The following QTRT2 variants were observed in gnomAD, a reference collection of about 807,000 sequenced individuals.
QTRT2 encodes the protein queuine tRNA-ribosyltransferase accessory subunit 2, also known as queuine tRNA-ribosyltransferase domain containing 1.
A neutral mutation model predicts 44.8 loss-of-function variants in QTRT2; 32 were observed. That is an observed-to-expected ratio of 0.71 (90% CI 0.54 to 0.96). The LOEUF (loss-of-function observed/expected upper bound fraction) is 0.96, where lower values mean the gene tolerates loss of function less well. Ranked by LOEUF, QTRT2 falls within the 40% of genes least tolerant of loss-of-function variation. The pLI, the probability that QTRT2 is intolerant of heterozygous loss-of-function variation, is 0.00. For missense variants in QTRT2, 461 were observed against 503.1 expected (o/e 0.92, Z 0.80); for synonymous variants, 182 against 187.4 (o/e 0.97, Z 0.24).
chr3:114,084,188 A>G (rs570832633), intron 9 of QTRT2, among the ~76,000 whole-genome samples: 156 of 151,208 alleles, frequency 1.0e-3, no homozygotes, highest in African/African-American at 3.4e-3. Flanking sequence ...TCAGCCTCCC[A>G]AGTAGCTGGG....
At position 114,085,897 on chromosome 3, in the gene QTRT2, C is replaced by T. The variant is rs771644184; in HGVS notation, c.1241C>T (p.Ala414Val). ...AQLKELIHRQ[A>V]S ...TTGAAAGAGCTCATCCACAGGCAAGCATCTTGAGATCTTGCAAATACAAGT... is the reference window on the plus strand; with the variant it reads ...TTGAAAGAGCTCATCCACAGGCAAGTATCTTGAGATCTTGCAAATACAAGT... Residue 414 changes from alanine to valine, a missense_variant, in exon 10 of 10, where the codon GCA (alanine) becomes GTA (valine). Physicochemically the swap from Ala to Val is moderately conservative, Grantham distance 64 (BLOSUM62 0). Transcript: ENST00000281273. 1.9e-6 allele frequency: 3 copies of T among 1,611,958 alleles called. No homozygotes were observed. The highest frequency in any genetic ancestry group is 2.5e-6 in the Non-Finnish European group (3 of 1,178,050).
intron 3 of QTRT2, 53 bp downstream of exon 3, chr3:114,065,510 C>T: frequency 7.5e-7 from 1 of 1,340,900 alleles, no homozygotes; most frequent in Non-Finnish European, 1.0e-6. Context: ...AGCTTAGTTA[C>T]CTTAGGTGCA....
rs1488379908 is a variant in QTRT2 at position 114,070,697 on chromosome 3, C to T, written c.405C>T (p.Ala135=). The part of the protein sequence containing the change: ...TVSKFMAIQK[A]LQPDWFQCLS... ...CCAAGTTCATGGCAATTCAGAAGGC[C>T]CTTCAGCCAGACTGGTTCCAGTGCC... is the stretch of plus-strand genomic sequence containing the variant. Residue 135 remains alanine, a synonymous_variant, in exon 6 of 10, where the codon GCC becomes GCT. Transcript: ENST00000281273. The T allele has an allele frequency of 3.1e-6, 5 of 1,614,054 alleles. No individual in the cohort carries two copies. In the South Asian group the frequency reaches 5.5e-5, roughly 18 times the overall value.
At chr3:114,062,069 A>G (rs577246268) in intron 2 of QTRT2, among the ~76,000 whole-genome samples, 1 of 152,036 alleles carries the variant, frequency 6.6e-6, no homozygotes, top group East Asian at 1.9e-4. Flanking sequence ...TTACTCTCAC[A>G]TAAAAGCCAT....
chr3:114,075,504 ATTTTT>A (rs34436490), intron 6 of QTRT2, among the ~76,000 whole-genome samples: 1 of 118,754 alleles, frequency 8.4e-6, no homozygotes, highest in South Asian at 2.6e-4. Flanking sequence ...AGTTTTACTG[ATTTTT>A]TTTTTTTTTT....
At chr3:114,085,316 T>A (rs899196815) in intron 9 of QTRT2, among the ~76,000 whole-genome samples, 1 of 152,174 alleles carries the variant, frequency 6.6e-6, no homozygotes, top group African/African-American at 2.4e-5. Context: ...CAAGCGATTC[T>A]CCTGCCTCAG....
intron 8 of QTRT2, among the ~76,000 whole-genome samples, chr3:114,080,296 A>T (rs2077150882): frequency 6.6e-6 from 1 of 152,226 alleles, no homozygotes; most frequent in Non-Finnish European, 1.5e-5. Flanking sequence ...AGAAAAACAA[A>T]ACCTCCTCTG....
intron 6 of QTRT2, among the ~76,000 whole-genome samples, chr3:114,072,207 T>C (rs112148520): frequency 6.6e-6 from 1 of 152,056 alleles, no homozygotes; most frequent in Non-Finnish European, 1.5e-5. Context: ...CAGGCTAGAG[T>C]GCAGTGGGGC....
Position 114,057,010 on chromosome 3 carries a change from G to A in QTRT2, c.-118G>A. On this transcript the variant is annotated 5_prime_UTR_variant, in exon 2 of 10. Transcript: ENST00000281273. ...GCTTCCCTTTTCAGGGTGTCCTGGT[G>A]GATTGGTTTCTGTAAGTTCAGATTC... 7.0e-7 allele frequency: 1 copy of A among 1,424,536 alleles called. No individual in the cohort carries two copies. The highest frequency in any genetic ancestry group is 9.1e-7 in the Non-Finnish European group (1 of 1,094,630). 88.2% of individuals were successfully genotyped at this position (1,424,536 alleles called of 1,614,324 possible).
chr3:114,071,248 C>T (rs1194102572), intron 6 of QTRT2, among the ~76,000 whole-genome samples: 2 of 152,174 alleles, frequency 1.3e-5, no homozygotes, highest in East Asian at 3.9e-4. Flanking sequence ...TTTTGCTCTT[C>T]CTCAATACTT....
intron 7 of QTRT2, chr3:114,077,340 G>C (rs935430082): frequency 2.9e-5 from 5 of 174,420 alleles, no homozygotes; most frequent in Non-Finnish European, 6.2e-5. Flanking sequence ...GGGATGACTA[G>C]TGAGAAGATG....
At position 114,082,950 on chromosome 3, in the gene QTRT2, T is replaced by C. The variant is rs563139020; in HGVS notation, c.1016+156T>C. 5.3e-5 allele frequency: 33 copies of C among 620,840 alleles called. No homozygotes were observed. In the African/African-American group the frequency reaches 5.7e-4, roughly 11 times the overall value. 38.5% of individuals were successfully genotyped at this position (620,840 alleles called of 1,614,324 possible). On this transcript the variant is annotated intron_variant, in intron 9 of 9. Transcript: ENST00000281273. ...TCAAATTCGATTTCAAAAAAACTCTTTATTTTCTTCAGATGAATTTGTAGA... is the reference window on the plus strand; with the variant it reads ...TCAAATTCGATTTCAAAAAAACTCTCTATTTTCTTCAGATGAATTTGTAGA...
In QTRT2 at chr3:114,070,144, C is replaced by T. The variant is rs190934291; in HGVS notation, c.334-482C>T. Among the ~76,000 whole-genome samples, 118 of 152,226 alleles carry T rather than the reference C, an allele frequency of 7.8e-4. 3 individuals carry two copies. In the East Asian group the frequency reaches 0.016, roughly 20 times the overall value. On this transcript the variant is annotated intron_variant, in intron 5 of 9. Transcript: ENST00000281273. ...TTGCCAGGCAAAGAAGTAGAAGTTC[C>T]AGCACCTAGAAATAATAAATACTTG...
rs2077262760 is a variant in QTRT2, at chr3:114,088,335, T to C, written c.*2431T>C. ...TTAAAGGCAATAGCCAATAAAACAT[T>C]TTTAATTTTAAAAATTTACTGTGTT... On this transcript the variant is annotated 3_prime_UTR_variant, in exon 10 of 10. Coordinates refer to ENST00000281273, the MANE Select transcript of QTRT2 (RefSeq NM_024638.4). 6.6e-6 allele frequency: 1 copy of C among 152,186 alleles called. No individual in the cohort carries two copies. The highest frequency in any genetic ancestry group is 1.5e-5 in the Non-Finnish European group (1 of 68,036). 9.4% of individuals were successfully genotyped at this position (152,186 alleles called of 1,614,324 possible). A position where few individuals can be genotyped will look rare whatever the true frequency, so the allele number is the denominator to read the frequency against.
Position 114,083,317 on chromosome 3 carries a change from T to TGC in QTRT2, c.1016+523_1016+524insGC, listed in dbSNP as rs2077192864. The stretch of plus-strand genomic sequence containing the variant: ...GTTGTTGTTGCTGTTGCTGCTGCTG[T>TGC]TGTTGTTGTTGTTGTTGTTGTTGTT... On this transcript the variant is annotated intron_variant, in intron 9 of 9. Coordinates refer to ENST00000281273, the MANE Select transcript of QTRT2 (RefSeq NM_024638.4). Among the ~76,000 whole-genome samples the TGC allele has an allele frequency of 1.1e-3, 6 of 5,498 alleles. No individual in the cohort carries two copies. In the South Asian group the frequency reaches 0.062, roughly 57 times the overall value. 3.6% of individuals were successfully genotyped at this position (5,498 alleles called of 152,430 possible). A position where few individuals can be genotyped will look rare whatever the true frequency, so the allele number is the denominator to read the frequency against.
rs112692027 is a variant in QTRT2 at position 114,087,323 on chromosome 3, G to A, written c.*1419G>A. On this transcript the variant is annotated 3_prime_UTR_variant, in exon 10 of 10. Transcript: ENST00000281273. The stretch of plus-strand genomic sequence containing the variant: ...ATGTGTTGGGAGCCCATTGTATTAG[G>A]CCGTTCTTGGATTGCTATAAAGAAA... 0.025 allele frequency: 3,877 copies of A among 152,224 alleles called. 149 individuals carry two copies. The highest frequency in any genetic ancestry group is 0.081 in the East Asian group (421 of 5,182). The allele number at this position is 152,224 out of a possible 1,614,324, so 9.4% of individuals were successfully genotyped here.
chr3:114,064,635 C>T (rs1269228365), intron 2 of QTRT2, among the ~76,000 whole-genome samples: 2 of 152,130 alleles, frequency 1.3e-5, no homozygotes, highest in Admixed American at 6.5e-5. Flanking sequence ...GTATGCTCCA[C>T]ACAGTTTCTC....
intron 2 of QTRT2, among the ~76,000 whole-genome samples, chr3:114,058,779 C>A (rs994471949): frequency 6.6e-6 from 1 of 152,208 alleles, no homozygotes; most frequent in African/African-American, 2.4e-5. Context: ...GTTCCTCCCA[C>A]TTCGGACTCC....
At chr3:114,065,210 C>G (rs2076935879) in intron 2 of QTRT2, 27 bp from the exon 3 acceptor site, 1 of 1,551,942 alleles carries the variant, frequency 6.4e-7, no homozygotes, top group Non-Finnish European at 8.9e-7. Context: ...GAAGCTCCTT[C>G]TATACTTAAT....
Sources: gnomAD v4.1 joint callset for allele counts (sites outside exome capture counted in the v4.1 genomes callset) on GRCh38, gnomAD v4.1.1 for gene constraint, MANE v1.5 for transcripts, NCBI Gene and HGNC (gene_info 2026-07-23, HGNC 2026-07-21) for gene names.